Variants in STIM2 observed in about 807,000 individuals in gnomAD.
STIM2 encodes the protein stromal interaction molecule 2.
In STIM2, 31 loss-of-function variants were observed where a neutral mutation model predicts 85.8. The observed-to-expected ratio is 0.36, with a 90% CI of 0.27 to 0.49. The LOEUF is 0.49. Ranked by LOEUF, STIM2 falls within the 20% of genes least tolerant of loss-of-function variation. The pLI is 0.98. For missense variants in STIM2, 841 were observed against 927.6 expected (o/e 0.91, Z 1.21); for synonymous variants, 356 against 331.1 (o/e 1.08, Z -0.82).
intron 1 of STIM2, among the ~76,000 whole-genome samples, chr4:26,896,495 C>A (rs572121440): frequency 1.3e-5 from 2 of 152,152 alleles, no homozygotes; most frequent in Non-Finnish European, 2.9e-5. Flanking sequence ...ATGAAAATTT[C>A]GTATCTTCAT....
intron 2 of STIM2, among the ~76,000 whole-genome samples, chr4:26,949,278 C>A (rs1297123857): frequency 6.6e-6 from 1 of 152,074 alleles, no homozygotes; most frequent in Non-Finnish European, 1.5e-5. Context: ...TGTCTGTATT[C>A]ATTCAAAATA....
chr4:26,873,184 G>C (rs1722691777), intron 1 of STIM2, among the ~76,000 whole-genome samples: 1 of 152,130 alleles, frequency 6.6e-6, no homozygotes, highest in Non-Finnish European at 1.5e-5. Flanking sequence ...CGGATCACCT[G>C]AGGTCAGGAG....
rs1364300904 is a variant in STIM2 at position 26,885,842 on chromosome 4, T to C, written c.151+24473T>C. The stretch of plus-strand genomic sequence containing the variant: ...CAGGTTATATATATATATATATATA[T>C]ATATATATATATATATATATATATA... On this transcript the variant is annotated intron_variant, in intron 1 of 11. Coordinates refer to ENST00000467087, the MANE Select transcript of STIM2 (RefSeq NM_020860.4). Among the ~76,000 whole-genome samples the C allele has an allele frequency of 8.1e-3, 288 of 35,766 alleles. 2 individuals carry two copies. Among genetic ancestry groups the C allele is most frequent in the African/African-American group, 0.035 (268 of 7,604 alleles). 23.5% of individuals were successfully genotyped at this position (35,766 alleles called of 152,430 possible).
chr4:26,912,414 T>C (rs1724379753), intron 1 of STIM2, among the ~76,000 whole-genome samples: 2 of 152,230 alleles, frequency 1.3e-5, no homozygotes, highest in African/African-American at 4.8e-5. Flanking sequence ...TTTTTCAGCT[T>C]CATTTCTTTC....
At chr4:26,890,974 G>A (rs1723455738) in intron 1 of STIM2, among the ~76,000 whole-genome samples, 1 of 152,192 alleles carries the variant, frequency 6.6e-6, no homozygotes, top group Non-Finnish European at 1.5e-5. Flanking sequence ...GAAACTTGAA[G>A]CACTATTGGA....
At position 27,023,737 on chromosome 4, in the gene STIM2, G is replaced by C. The variant is rs1462353728; in HGVS notation, c.*741G>C. 1.3e-5 allele frequency: 2 copies of C among 152,604 alleles called. No homozygotes were observed. The highest frequency in any genetic ancestry group is 4.8e-5 in the African/African-American group (2 of 41,436). 9.5% of individuals were successfully genotyped at this position (152,604 alleles called of 1,614,324 possible). A position where few individuals can be genotyped will look rare whatever the true frequency, so the allele number is the denominator to read the frequency against. ...TTCACTGTGATTTACTGCATTGCAG[G>C]CTGTATGATAAAACACACATAATTT... On this transcript the variant is annotated 3_prime_UTR_variant, in exon 12 of 12. Coordinates refer to ENST00000467087, the MANE Select transcript of STIM2 (RefSeq NM_020860.4).
chr4:26,934,603 T>C (rs2109077000), intron 2 of STIM2, among the ~76,000 whole-genome samples: 1 of 152,304 alleles, frequency 6.6e-6, no homozygotes, highest in Middle Eastern at 3.4e-3. Flanking sequence ...GTGATACCTG[T>C]AAGAAGTGGT....
chr4:26,984,142 A>G (rs1349526316), intron 3 of STIM2, among the ~76,000 whole-genome samples: 3 of 152,132 alleles, frequency 2.0e-5, no homozygotes, highest in African/African-American at 4.8e-5. Flanking sequence ...TGAAAGTGAC[A>G]TTTTCCTTGG....
intron 2 of STIM2, among the ~76,000 whole-genome samples, chr4:26,919,965 T>C (rs1258649492): frequency 1.3e-5 from 2 of 152,122 alleles, no homozygotes; most frequent in Non-Finnish European, 2.9e-5. Context: ...ATGACAACAG[T>C]TTATTATTTC....
intron 2 of STIM2, among the ~76,000 whole-genome samples, chr4:26,945,956 G>C (rs964424492): frequency 6.6e-6 from 1 of 152,126 alleles, no homozygotes; most frequent in African/African-American, 2.4e-5. Context: ...AGTTAGATTT[G>C]TGCTATGTGT....
chr4:26,886,079 T>G (rs1158733604), intron 1 of STIM2, among the ~76,000 whole-genome samples: 1 of 151,894 alleles, frequency 6.6e-6, no homozygotes, highest in East Asian at 1.9e-4. Flanking sequence ...TAATTTGAGG[T>G]TCAGTGGAAC....
Position 26,876,897 on chromosome 4 carries a change from A to T in STIM2, c.151+15528A>T, listed in dbSNP as rs1722833433. Reference sequence around the variant, plus strand: ...AGGTGATAGAAAATATTTTTACATTATCTGTTACATATATACTTTCCAATA... The same window carrying T: ...AGGTGATAGAAAATATTTTTACATTTTCTGTTACATATATACTTTCCAATA... On this transcript the variant is annotated intron_variant, in intron 1 of 11. Coordinates refer to ENST00000467087, the MANE Select transcript of STIM2 (RefSeq NM_020860.4). Among the ~76,000 whole-genome samples the T allele has an allele frequency of 3.9e-5, 6 of 152,230 alleles. No individual in the cohort carries two copies. The South Asian group carries it at 1.2e-3, about 32-fold the overall frequency.
At chr4:26,867,910 C>CA (rs1282761045) in intron 1 of STIM2, among the ~76,000 whole-genome samples, 2 of 152,194 alleles carry the variant, frequency 1.3e-5, no homozygotes, top group African/African-American at 4.8e-5. Flanking sequence ...ATTTCCTCCT[C>CA]AGAGAACTTC....
chr4:26,868,431 G>T (rs561566348), intron 1 of STIM2, among the ~76,000 whole-genome samples: 1 of 152,122 alleles, frequency 6.6e-6, no homozygotes, highest in East Asian at 1.9e-4. Flanking sequence ...AAACTGTTTT[G>T]TTTAATTAAG....
chr4:26,888,384 A>G (rs989814748), intron 1 of STIM2, among the ~76,000 whole-genome samples: 1 of 152,220 alleles, frequency 6.6e-6, no homozygotes, highest in Non-Finnish European at 1.5e-5. Flanking sequence ...CTAATAAGCT[A>G]TAACTTAAAT....
chr4:26,887,503 T>A (rs867281261), intron 1 of STIM2, among the ~76,000 whole-genome samples: 23 of 152,320 alleles, frequency 1.5e-4, no homozygotes, highest in African/African-American at 5.1e-4. Context: ...TTATTGCTCC[T>A]GAACAACTTT....
intron 6 of STIM2, 33 bp downstream of exon 6, chr4:27,002,427 A>T (rs1396892329): frequency 2.0e-6 from 3 of 1,531,368 alleles, no homozygotes; most frequent in Middle Eastern, 2.3e-4. Context: ...TCATTTATGT[A>T]GGCAAATACA....
intron 2 of STIM2, among the ~76,000 whole-genome samples, chr4:26,931,764 A>G (rs966518436): frequency 1.3e-5 from 2 of 152,206 alleles, no homozygotes; most frequent in Admixed American, 6.5e-5. Context: ...GTACTTTCCT[A>G]TATACTGAAA....
intron 1 of STIM2, among the ~76,000 whole-genome samples, chr4:26,871,797 GC>G (rs1043320378): frequency 2.0e-5 from 3 of 150,956 alleles, no homozygotes; most frequent in East Asian, 2.0e-4. Flanking sequence ...TCCCACCTCG[GC>G]CCCGCAAAGT....
Sources: allele counts gnomAD v4.1 joint callset (sites outside exome capture counted in the v4.1 genomes callset), GRCh38; gene constraint gnomAD v4.1.1; transcripts MANE v1.5; gene names NCBI Gene and HGNC (gene_info 2026-07-23, HGNC 2026-07-21).